Variants in LARGE1 observed in about 807,000 individuals in gnomAD.
LARGE1 encodes LARGE xylosyl- and glucuronyltransferase 1, also known as xylosyl- and glucuronyltransferase LARGE1.
In LARGE1, 43 loss-of-function variants were observed where a neutral mutation model predicts 87.6. The observed-to-expected ratio is 0.49, with a 90% CI of 0.38 to 0.63. The LOEUF (loss-of-function observed/expected upper bound fraction) is 0.63. Among genes scored for constraint, LARGE1 ranks in the 30% least tolerant of loss-of-function variants. LARGE1 has a pLI of 0.00. For synonymous variants in LARGE1, 434 were observed against 394.6 expected, an observed-to-expected ratio of 1.10 and a Z score of -1.18; for missense variants, 802 against 1,000.2, an observed-to-expected ratio of 0.80 and a Z score of 2.67.
chr22:33,091,911 T>C, the LARGE1 span, among the ~76,000 whole-genome samples: 1 of 152,166 alleles, frequency 6.6e-6, no homozygotes, highest in East Asian at 1.9e-4. Context: ...TGTTTGTTTG[T>C]TTGTTTGAGA....
upstream of LARGE1, among the ~76,000 whole-genome samples, chr22:33,921,220 G>A (rs1319441253): frequency 6.6e-6 from 1 of 152,232 alleles, no homozygotes; most frequent in African/African-American, 2.4e-5. The surrounding 1 kb of genome is among the most constrained non-coding windows in gnomAD (Gnocchi z 4.1). Context: ...TGCTTCTTCA[G>A]CTCGCTGGCT....
At chr22:33,854,067 G>A (rs927980839) in intron 1 of LARGE1, among the ~76,000 whole-genome samples, 2 of 151,992 alleles carry the variant, frequency 1.3e-5, no homozygotes, top group Non-Finnish European at 2.9e-5. Flanking sequence ...GCCTATTGTG[G>A]ATTAAAAAAT....
At chr22:33,600,625 G>A (rs761288414) in intron 5 of LARGE1, among the ~76,000 whole-genome samples, 1 of 131,746 alleles carries the variant, frequency 7.6e-6, no homozygotes, top group Non-Finnish European at 1.7e-5. Flanking sequence ...TAAATAGAAC[G>A]CTCTGGTGGG....
intron 1 of LARGE1, among the ~76,000 whole-genome samples, chr22:33,832,985 G>A (rs1425244289): frequency 6.6e-6 from 1 of 152,232 alleles, no homozygotes; most frequent in East Asian, 1.9e-4. Flanking sequence ...ACAGGCCACA[G>A]TGATTCAGTA....
chr22:33,321,436 C>T (rs1315879153), intron 10 of LARGE1, among the ~76,000 whole-genome samples: 1 of 152,208 alleles, frequency 6.6e-6, no homozygotes, highest in Non-Finnish European at 1.5e-5. Flanking sequence ...AATGTTACCT[C>T]CCGGCAGAAA....
intron 7 of LARGE1, among the ~76,000 whole-genome samples, chr22:33,425,277 A>G (rs181110949): frequency 3.3e-5 from 5 of 152,236 alleles, no homozygotes; most frequent in African/African-American, 9.6e-5. Context: ...AACAAAAACA[A>G]AAAAAGAGGA....
At chr22:33,077,733 G>C in the LARGE1 span, among the ~76,000 whole-genome samples, 1 of 152,170 alleles carries the variant, frequency 6.6e-6, no homozygotes, top group Non-Finnish European at 1.5e-5. Flanking sequence ...ACAGGGATTA[G>C]AACATTTTAT....
the LARGE1 span, among the ~76,000 whole-genome samples, chr22:33,101,572 A>G: frequency 6.6e-6 from 1 of 152,220 alleles, no homozygotes; most frequent in Non-Finnish European, 1.5e-5. Flanking sequence ...CAGGATTCCC[A>G]GATGTCTGGC....
intron 5 of LARGE1, among the ~76,000 whole-genome samples, chr22:33,572,414 C>T (rs2078233230): frequency 1.3e-5 from 2 of 152,090 alleles, no homozygotes; most frequent in Non-Finnish European, 1.5e-5. Context: ...TCTGGCTGGC[C>T]CAATTCTGAA....
At chr22:33,145,629 C>T in the LARGE1 span, among the ~76,000 whole-genome samples, 1 of 152,164 alleles carries the variant, frequency 6.6e-6, no homozygotes, top group East Asian at 1.9e-4. Flanking sequence ...ACTTATCTAA[C>T]TGTATTCTAT....
At chr22:33,441,629 AT>A (rs1260216280) in intron 6 of LARGE1, among the ~76,000 whole-genome samples, 1 of 150,668 alleles carries the variant, frequency 6.6e-6, no homozygotes, top group Non-Finnish European at 1.5e-5. Context: ...CTAACTTTAA[AT>A]TTTTTTTTGT....
chr22:33,069,586 C>A, the LARGE1 span, among the ~76,000 whole-genome samples: 3 of 152,110 alleles, frequency 2.0e-5, no homozygotes, highest in South Asian at 2.1e-4. Flanking sequence ...AATAATTGAA[C>A]CTATTAGGTT....
chr22:33,878,052 A>T (rs1210585580), intron 1 of LARGE1, among the ~76,000 whole-genome samples: 1 of 150,876 alleles, frequency 6.6e-6, no homozygotes, highest in Non-Finnish European at 1.5e-5. Context: ...TATTAAATTA[A>T]TTTTACCTCT....
the LARGE1 span, among the ~76,000 whole-genome samples, chr22:33,148,945 T>TTTTACATTG: frequency 1.8e-4 from 27 of 152,006 alleles, no homozygotes; most frequent in Non-Finnish European, 4.4e-5. Context: ...GGAGAGTGAT[T>TTTTACATTG]TAAAAAATAT....
intron 1 of LARGE1, among the ~76,000 whole-genome samples, chr22:33,859,271 T>C (rs1178135919): frequency 2.0e-5 from 3 of 152,248 alleles, no homozygotes; most frequent in African/African-American, 4.8e-5. Flanking sequence ...GTTGTATTAC[T>C]GTACTTCCTA....
At chr22:33,089,302 CTCTTCT>C in the LARGE1 span, among the ~76,000 whole-genome samples, 1 of 131,850 alleles carries the variant, frequency 7.6e-6, no homozygotes, top group African/African-American at 2.8e-5. Flanking sequence ...CTTCTTCTTC[CTCTTCT>C]TCTTCTTTCT....
the LARGE1 span, among the ~76,000 whole-genome samples, chr22:33,100,349 C>CAAAAAAAAAAAAAAAAAAAAAA: frequency 1.5e-5 from 1 of 65,322 alleles, no homozygotes; most frequent in Admixed American, 1.8e-4. Flanking sequence ...GACTCCATCT[C>CAAAAAAAAAAAAAAAAAAAAAA]AAAAAAAAAA....
At position 33,639,945 on chromosome 22, in the gene LARGE1, G is replaced by A. The variant is rs558589502; in HGVS notation, c.408+10422C>T. Among the ~76,000 whole-genome samples the A allele has an allele frequency of 1.3e-4, 20 of 152,308 alleles. No individual in the cohort carries two copies. The South Asian group carries it at 1.7e-3, about 13-fold the overall frequency. Reference sequence around the variant, plus strand: ...AGGGCAAAGGGACTGATGAGGGCCCGTTGTTCCTATCACCAGATAGCTCAG... The same window carrying A: ...AGGGCAAAGGGACTGATGAGGGCCCATTGTTCCTATCACCAGATAGCTCAG... On this transcript the variant is annotated intron_variant, in intron 3 of 14. Coordinates refer to ENST00000397394, the MANE Select transcript of LARGE1 (RefSeq NM_133642.5).
chr22:33,343,908 G>C (rs1392820198), intron 9 of LARGE1, among the ~76,000 whole-genome samples: 1 of 152,174 alleles, frequency 6.6e-6, no homozygotes, highest in Non-Finnish European at 1.5e-5. Flanking sequence ...TCCCACAATA[G>C]GCTGTCTGCA....
Sources: allele counts gnomAD v4.1 joint callset (sites outside exome capture counted in the v4.1 genomes callset), GRCh38; gene constraint gnomAD v4.1.1; non-coding constraint Gnocchi (gnomAD v3.1); transcripts MANE v1.5; gene names NCBI Gene and HGNC (gene_info 2026-07-23, HGNC 2026-07-21).